The following C10orf67 variants were observed in gnomAD, a reference collection of about 807,000 sequenced individuals.
The protein encoded by C10orf67 is chromosome 10 open reading frame 67.
A neutral mutation model predicts 35.6 loss-of-function variants in C10orf67; 60 were observed. That is an observed-to-expected ratio of 1.68 (90% CI 1.37 to 2.09). The LOEUF is 2.09. C10orf67 is among the 30% of genes most tolerant of loss of function. C10orf67 has a pLI of 0.00. For missense variants in C10orf67, 474 were observed against 330.2 expected, an observed-to-expected ratio of 1.44 and a Z score of -3.38; for synonymous variants, 167 against 115.8, an observed-to-expected ratio of 1.44 and a Z score of -2.84.
intron 10 of C10orf67, among the ~76,000 whole-genome samples, chr10:23,266,015 A>T (rs1258215158): frequency 6.6e-6 from 1 of 152,216 alleles, no homozygotes; most frequent in African/African-American, 2.4e-5. Context: ...AATTAAATAG[A>T]GACCCACTGG....
In C10orf67 at chr10:23,292,886, T is replaced by A. The variant is rs796180121; in HGVS notation, c.703-1607A>T. ...AATGAGAACTAACAAACCTAGTAAG[T>A]AGTTAATAAACAACACTGTTTTCTT... On this transcript the variant is annotated intron_variant, in intron 5 of 15. Coordinates refer to ENST00000636213, the MANE Select transcript of C10orf67 (RefSeq NM_001371909.1). 5.9e-5 allele frequency among the ~76,000 whole-genome samples: 9 copies of A among 152,310 alleles called. No individual in the cohort carries two copies. In the South Asian group the frequency reaches 1.9e-3, roughly 32 times the overall value.
chr10:23,244,682 G>A (rs988043934), intron 12 of C10orf67, among the ~76,000 whole-genome samples: 6 of 152,050 alleles, frequency 3.9e-5, no homozygotes, highest in Middle Eastern at 3.2e-3. Context: ...ATAAAGCACT[G>A]AAGAAAGAAG....
intron 15 of C10orf67, among the ~76,000 whole-genome samples, chr10:23,219,455 A>G (rs1268834432): frequency 6.6e-6 from 1 of 152,256 alleles, no homozygotes; most frequent in Non-Finnish European, 1.5e-5. Context: ...GGCAGTGCAC[A>G]GTACACAATG....
intron 8 of C10orf67, among the ~76,000 whole-genome samples, chr10:23,272,914 C>T (rs1158240163): frequency 6.6e-6 from 1 of 152,054 alleles, no homozygotes; most frequent in East Asian, 1.9e-4. Context: ...CGTATTTTGC[C>T]ATGTTTATCC....
intron 2 of C10orf67, among the ~76,000 whole-genome samples, chr10:23,329,810 A>AAAAAAG (rs1845369544): frequency 6.7e-6 from 1 of 148,376 alleles, no homozygotes; most frequent in Non-Finnish European, 1.5e-5. Context: ...AAAAAAAAAA[A>AAAAAAG]AAAAAAGAAA....
At chr10:23,240,841 C>A (rs1842161135) in intron 12 of C10orf67, among the ~76,000 whole-genome samples, 1 of 152,192 alleles carries the variant, frequency 6.6e-6, no homozygotes, top group Non-Finnish European at 1.5e-5. Flanking sequence ...CTTCCCATGA[C>A]AAACATGGGA....
intron 13 of C10orf67, among the ~76,000 whole-genome samples, chr10:23,234,260 C>T (rs1588599172): frequency 6.6e-6 from 1 of 152,156 alleles, no homozygotes; most frequent in Admixed American, 6.5e-5. Flanking sequence ...ATAGCAAAGA[C>T]ATGGAATCAA....
At chr10:23,336,381 C>T (rs1845682881) in intron 1 of C10orf67, among the ~76,000 whole-genome samples, 1 of 152,048 alleles carries the variant, frequency 6.6e-6, no homozygotes, top group Non-Finnish European at 1.5e-5. Context: ...GAACATATAT[C>T]ATATACATGT....
intron 10 of C10orf67, among the ~76,000 whole-genome samples, chr10:23,253,142 C>G (rs1842505251): frequency 6.6e-6 from 1 of 152,178 alleles, no homozygotes. Context: ...ACCCCTTCTT[C>G]CCAGTCTCAG....
At chr10:23,285,360 T>G (rs1843499178) in intron 7 of C10orf67, among the ~76,000 whole-genome samples, 1 of 148,736 alleles carries the variant, frequency 6.7e-6, no homozygotes, top group Non-Finnish European at 1.5e-5. Context: ...CTATATTATA[T>G]AATTTGTTAT....
At position 23,265,556 on chromosome 10, in the gene C10orf67, T is replaced by C. The variant is rs1218490287; in HGVS notation, c.1200+706A>G. On this transcript the variant is annotated intron_variant, in intron 10 of 15. Coordinates refer to ENST00000636213, the MANE Select transcript of C10orf67 (RefSeq NM_001371909.1). ...TTGACTACTTACACAATTCACAGTG[T>C]CCACAGAACAACTAAGAGTTGTAGA... 3.3e-5 allele frequency among the ~76,000 whole-genome samples: 5 copies of C among 152,222 alleles called. No individual in the cohort carries two copies. The East Asian group carries it at 9.6e-4, about 29-fold the overall frequency.
chr10:23,295,820 A>C (rs1287127930), intron 5 of C10orf67, among the ~76,000 whole-genome samples: 1 of 152,274 alleles, frequency 6.6e-6, no homozygotes, highest in South Asian at 2.1e-4. Context: ...TCCTAGTCCA[A>C]GATATATACA....
chr10:23,309,432 T>G (rs1308181769), intron 4 of C10orf67, among the ~76,000 whole-genome samples: 1 of 152,144 alleles, frequency 6.6e-6, no homozygotes, highest in Non-Finnish European at 1.5e-5. Context: ...ATATTACCTA[T>G]TGAATACAAT....
At chr10:23,264,635 C>T (rs1474807541) in intron 10 of C10orf67, among the ~76,000 whole-genome samples, 2 of 152,176 alleles carry the variant, frequency 1.3e-5, no homozygotes, top group Non-Finnish European at 2.9e-5. Flanking sequence ...GGAAGCTCAG[C>T]TTCTATCTGT....
At chr10:23,335,462 G>A (rs1163929250) in intron 1 of C10orf67, among the ~76,000 whole-genome samples, 1 of 152,182 alleles carries the variant, frequency 6.6e-6, no homozygotes, top group African/African-American at 2.4e-5. Context: ...AGAATTTAGT[G>A]TGTTAATACT....
chr10:23,248,127 T>C (rs548327108), intron 12 of C10orf67, among the ~76,000 whole-genome samples: 1 of 152,292 alleles, frequency 6.6e-6, no homozygotes, highest in South Asian at 2.1e-4. Context: ...GGGAACCACC[T>C]GTAACATTTC....
intron 2 of C10orf67, among the ~76,000 whole-genome samples, chr10:23,329,671 A>C (rs1845355143): frequency 1.3e-5 from 2 of 151,692 alleles, no homozygotes; most frequent in African/African-American, 2.4e-5. Flanking sequence ...AAGGTGGTGC[A>C]CTCTTGTAAT....
intron 10 of C10orf67, among the ~76,000 whole-genome samples, chr10:23,253,675 G>A (rs1842523594): frequency 1.3e-5 from 2 of 151,910 alleles, no homozygotes; most frequent in African/African-American, 4.8e-5. Flanking sequence ...AAAAAAAACT[G>A]TGTTTAAATT....
chr10:23,318,863 T>C (rs1212325146), intron 4 of C10orf67: 1 of 775,050 alleles, frequency 1.3e-6, no homozygotes. Context: ...TTCTTATCTT[T>C]CCACCTTGCT....
Sources: gnomAD v4.1 joint callset for allele counts (sites outside exome capture counted in the v4.1 genomes callset) on GRCh38, gnomAD v4.1.1 for gene constraint, MANE v1.5 for transcripts, NCBI Gene and HGNC (gene_info 2026-07-23, HGNC 2026-07-21) for gene names.